Variants in TMEM91 observed in about 807,000 individuals in gnomAD.
TMEM91 encodes transmembrane protein 91, also known as dispanin subfamily C member 3.
TMEM91 carries 6 observed loss-of-function variants against 13.3 expected under a neutral mutation model. That is an observed-to-expected ratio of 0.45 (90% CI 0.25 to 0.89). TMEM91 has a LOEUF of 0.89. Ranked by LOEUF, TMEM91 falls within the 40% of genes least tolerant of loss-of-function variation. The pLI is 0.19. For synonymous variants in TMEM91, 87 were observed against 101.7 expected (o/e 0.86, Z 0.87); for missense variants, 193 against 228.7 (o/e 0.84, Z 1.01).
At chr19:41,371,618 C>T (rs1395621698), upstream of TMEM91, among the ~76,000 whole-genome samples, 1 of 151,712 alleles carries the variant, frequency 6.6e-6, no homozygotes, top group African/African-American at 2.4e-5. Context: ...TGGGGTTTCA[C>T]CATGTTGGCC....
intron 1 of TMEM91, among the ~76,000 whole-genome samples, chr19:41,365,251 C>A (rs1454459825): frequency 1.3e-5 from 2 of 152,062 alleles, no homozygotes; most frequent in Non-Finnish European, 2.9e-5. Flanking sequence ...GTAATCCCAG[C>A]CCTTTGGAAG....
At chr19:41,380,361 G>A (rs1447499542) in intron 2 of TMEM91, among the ~76,000 whole-genome samples, 11 of 152,142 alleles carry the variant, frequency 7.2e-5, no homozygotes, top group Non-Finnish European at 4.4e-5. Context: ...TGGAAGTCAC[G>A]TAACATGACT....
intron 1 of TMEM91, among the ~76,000 whole-genome samples, chr19:41,370,950 G>A (rs1357206358): frequency 1.3e-5 from 2 of 151,780 alleles, no homozygotes; most frequent in South Asian, 2.1e-4. Flanking sequence ...TGATCAGCCC[G>A]CCTCGGCCTC....
At chr19:41,374,280 T>G, upstream of TMEM91, 1 of 152,168 alleles carries the variant, frequency 6.6e-6, no homozygotes, top group Middle Eastern at 3.2e-3. Flanking sequence ...TCCAGTCTGG[T>G]GAGACGGAGG....
rs117814242 is a variant in TMEM91 at position 41,384,062 on chromosome 19, A to G, written c.*189A>G. The G allele has an allele frequency of 1.8e-5, 19 of 1,050,796 alleles. No homozygotes were observed. In the East Asian group the frequency reaches 5.0e-4, roughly 28 times the overall value. The allele number at this position is 1,050,796 out of a possible 1,614,324, so 65.1% of individuals were successfully genotyped here. A position where few individuals can be genotyped will look rare whatever the true frequency, so the allele number is the denominator to read the frequency against. On this transcript the variant is annotated 3_prime_UTR_variant, in exon 4 of 4. Transcript: ENST00000392002. The stretch of plus-strand genomic sequence containing the variant: ...GGGCGGCAGCAACCTGAGATTAAAC[A>G]CCAGACACCCTTGCAGCCAAACCAG...
intron 1 of TMEM91, among the ~76,000 whole-genome samples, chr19:41,365,376 C>A (rs2038500972): frequency 6.6e-6 from 1 of 152,064 alleles, no homozygotes; most frequent in South Asian, 2.1e-4. Context: ...AAATGTTATC[C>A]TATTGAAATG....
upstream of TMEM91, among the ~76,000 whole-genome samples, chr19:41,371,713 C>T (rs914178521): frequency 3.9e-5 from 6 of 152,048 alleles, no homozygotes; most frequent in Non-Finnish European, 7.3e-5. Context: ...CCACTGCACC[C>T]GGCCACTATC....
upstream of TMEM91, chr19:41,376,443 A>T (rs2038719393): frequency 6.6e-6 from 1 of 152,120 alleles, no homozygotes; most frequent in African/African-American, 2.4e-5. Flanking sequence ...TGTTGCTGTT[A>T]TTATTATTGG....
At chr19:41,369,506 T>TAA (rs569474645) in intron 1 of TMEM91, among the ~76,000 whole-genome samples, 112 of 123,278 alleles carry the variant, frequency 9.1e-4, no homozygotes, top group Admixed American at 1.4e-3. Context: ...ACTGCACCTC[T>TAA]AAAAAAAAAA....
Position 41,383,716 on chromosome 19 carries a change from C to T in TMEM91, c.362C>T (p.Thr121Ile). 6.2e-7 allele frequency: 1 copy of T among 1,611,884 alleles called. No individual in the cohort carries two copies. The highest frequency in any genetic ancestry group is 8.5e-7 in the Non-Finnish European group (1 of 1,178,622). Residue 121 changes from threonine to isoleucine, a missense_variant and splice_region_variant, in exon 4 of 4, where the codon ACC becomes ATC. Thr to Ile is a moderately conservative substitution (Grantham distance 89). Transcript: ENST00000392002. ...GIAAFCLAQK[T>I]NKAWAKGDIQ... The stretch of plus-strand genomic sequence containing the variant: ...CACTGCTGCCCACTGCCTCTACAGA[C>T]CAACAAGGCTTGGGCCAAGGGGGAC...
At chr19:41,381,976 C>T (rs2038898532) in intron 2 of TMEM91, among the ~76,000 whole-genome samples, 1 of 152,070 alleles carries the variant, frequency 6.6e-6, no homozygotes, top group East Asian at 1.9e-4. Context: ...AGTGATTCTC[C>T]TGCCTCAACC....
In TMEM91 at chr19:41,383,770, G is replaced by A. The variant is rs1478249511; in HGVS notation, c.416G>A (p.Arg139His). The change falls in exon 4 of 4, where the codon CGT becomes CAT. Residue 139 changes from arginine to histidine, a missense_variant. Coordinates refer to ENST00000392002, the MANE Select transcript of TMEM91 (RefSeq NM_001098821.2). ...CAGGGGGCAGGGGCCGCCTCCCGCC[G>A]TGCCTTCCTGCTGGGGGTCCTCGCC... Reference protein sequence around the residue: ...DIQGAGAASRRAFLLGVLAVG... With the variant: ...DIQGAGAASRHAFLLGVLAVG... 20 of 1,609,646 alleles carry A rather than the reference G, an allele frequency of 1.2e-5. No homozygotes were observed. The highest frequency in any genetic ancestry group is 1.7e-4 in the Middle Eastern group (1 of 6,044).
chr19:41,380,224 T>G (rs1207912580), intron 2 of TMEM91, among the ~76,000 whole-genome samples: 2 of 152,076 alleles, frequency 1.3e-5, no homozygotes, highest in East Asian at 3.9e-4. Context: ...GGTCTCTCCA[T>G]GTTTGCTGCC....
upstream of TMEM91, among the ~76,000 whole-genome samples, chr19:41,374,860 G>A (rs977394630): frequency 1.1e-4 from 17 of 152,174 alleles, no homozygotes; most frequent in African/African-American, 3.6e-4. Context: ...GCGCATTCCT[G>A]TAATCCTAAC....
At chr19:41,375,260 T>C (rs2038690439), upstream of TMEM91, among the ~76,000 whole-genome samples, 1 of 144,218 alleles carries the variant, frequency 6.9e-6, no homozygotes, top group East Asian at 2.0e-4. Flanking sequence ...AGTGAGCCCG[T>C]TTATTTTCTT....
At chr19:41,369,517 A>G (rs560692857) in intron 1 of TMEM91, among the ~76,000 whole-genome samples, 157 of 151,480 alleles carry the variant, frequency 1.0e-3, no homozygotes, top group Admixed American at 3.4e-3. Flanking sequence ...AAAAAAAAAA[A>G]AAAAAGGCCC....
rs1894415610 is a variant in TMEM91 at position 41,371,349 on chromosome 19, C to CCTTCCTTT, written c.-29-6925_-29-6924insTCTTCCTT. Among the ~76,000 whole-genome samples the CCTTCCTTT allele has an allele frequency of 6.0e-5, 9 of 148,946 alleles. No individual in the cohort carries two copies. The South Asian group carries it at 1.9e-3, about 32-fold the overall frequency. ...TCCTTCCTTCCTTCCTTCCTTCCTT[C>CCTTCCTTT]CTTCCTTCCTTCCTTCCTTCTTTCC... On this transcript the variant is annotated intron_variant, in intron 1 of 3. Transcript: ENST00000413014.
At position 41,382,907 on chromosome 19, in the gene TMEM91, T is replaced by C. The variant is rs769772346; in HGVS notation, c.346T>C (p.Cys116Arg). The stretch of plus-strand genomic sequence containing the variant: ...CTGGCCCGTTGGCATCGCTGCCTTC[T>C]GTCTAGCCCAGAAGGTCAGTCTGTG... ...CFWPVGIAAF[C>R]LAQKTNKAWA... Residue 116 changes from cysteine (C) to arginine (R), a missense_variant, in exon 3 of 4, where the codon TGT (cysteine) becomes CGT (arginine). Transcript: ENST00000392002. 6.2e-7 allele frequency: 1 copy of C among 1,614,192 alleles called. No individual in the cohort carries two copies. The highest frequency in any genetic ancestry group is 1.1e-5 in the South Asian group (1 of 91,088).
At position 41,382,885 on chromosome 19, in the gene TMEM91, GC is replaced by G. The variant is rs755158399; in HGVS notation, c.327del (p.Val110LeufsTer8). 1 of 1,614,158 alleles carries G rather than the reference GC, an allele frequency of 6.2e-7. No homozygotes were observed. The highest frequency in any genetic ancestry group is 2.2e-5 in the East Asian group (1 of 44,876). On this transcript the variant is annotated frameshift_variant, in exon 3 of 4. Transcript: ENST00000392002. LOFTEE classifies it high-confidence loss of function. ...AVFSMLCCFW[P>X]VGIAAFCLAQ... is the part of the protein sequence containing the mutation. The stretch of plus-strand genomic sequence containing the variant: ...TCTTCTCCATGCTGTGTTGTTTCTG[GC>G]CCGTTGGCATCGCTGCCTTCTGTCT...
Sources: allele counts gnomAD v4.1 joint callset (sites outside exome capture counted in the v4.1 genomes callset), GRCh38; gene constraint gnomAD v4.1.1; transcripts MANE v1.5; gene names NCBI Gene and HGNC (gene_info 2026-07-23, HGNC 2026-07-21).